Variants in IRAK4 observed in about 807,000 individuals in gnomAD.
IRAK4 encodes interleukin 1 receptor associated kinase 4, also known as interleukin-1 receptor-associated kinase 4.
In IRAK4, 44 loss-of-function variants were observed where a neutral mutation model predicts 51.8. The observed-to-expected ratio is 0.85, with a 90% confidence interval of 0.67 to 1.09. IRAK4 has a LOEUF of 1.09. Among genes scored for constraint, IRAK4 ranks in the 50% least tolerant of loss-of-function variants. IRAK4 has a pLI of 0.00. For synonymous variants in IRAK4, 149 were observed against 174.1 expected (o/e 0.86, Z 1.13); for missense variants, 487 against 538.0 (o/e 0.91, Z 0.94).
At chr12:43,767,982 T>G (rs935810946) in intron 1 of IRAK4, 121 bp from the exon 2 acceptor site, 2 of 696,604 alleles carry the variant, frequency 2.9e-6, no homozygotes, top group Admixed American at 2.6e-5. Context: ...GGAATGTTTC[T>G]TTATTATGGT....
chr12:43,765,590 ATGAT>A (rs1385416792), intron 1 of IRAK4, among the ~76,000 whole-genome samples: 1 of 151,964 alleles, frequency 6.6e-6, no homozygotes, highest in Admixed American at 6.6e-5. Flanking sequence ...TTAGACATGA[ATGAT>A]AAGTTAGTAT....
rs886049392 is a variant in IRAK4, at chr12:43,787,877, T to G, written c.*1162T>G. 3 of 152,174 alleles carry G rather than the reference T, an allele frequency of 2.0e-5. No individual in the cohort carries two copies. Among genetic ancestry groups the G allele is most frequent in the Non-Finnish European group, 4.4e-5 (3 of 68,132 alleles). 9.4% of individuals were successfully genotyped at this position (152,174 alleles called of 1,614,324 possible). On this transcript the variant is annotated 3_prime_UTR_variant, in exon 12 of 12. Transcript: ENST00000613694. ...TTCAAGACCGGCCTGGCCAACATGG[T>G]GAAACCCCGTCTCTACTAAAAATAC...
chr12:43,769,379 G>A (rs1476500611), intron 2 of IRAK4, among the ~76,000 whole-genome samples: 1 of 152,146 alleles, frequency 6.6e-6, no homozygotes, highest in Non-Finnish European at 1.5e-5. Context: ...AGTATTATAG[G>A]CTGAGCACAG....
At chr12:43,771,030 A>G (rs1232834329) in intron 2 of IRAK4, 190 bp from the exon 3 acceptor site, 4 of 696,130 alleles carry the variant, frequency 5.7e-6, no homozygotes, top group Admixed American at 2.0e-5. Flanking sequence ...CTGCCCTTCC[A>G]CCATGAGATG....
chr12:43,769,764 G>C (rs560705007), intron 2 of IRAK4, among the ~76,000 whole-genome samples: 20 of 152,308 alleles, frequency 1.3e-4, no homozygotes, highest in African/African-American at 4.8e-4. Flanking sequence ...TCAAACTTTA[G>C]CACCAATAAT....
intron 9 of IRAK4, 52 bp downstream of exon 9, chr12:43,782,542 A>G: frequency 7.1e-7 from 1 of 1,417,090 alleles, no homozygotes; most frequent in Non-Finnish European, 9.9e-7. Flanking sequence ...TATAATTGTG[A>G]AAATGAAGAG....
chr12:43,786,923 A>G lies in IRAK4; in HGVS notation c.*208A>G, dbSNP rs1447729978. ...AGCCCTACCCATTAGTATCACCCCC[A>G]GTTCTTACAGTAATCCCTGAGAAAT... On this transcript the variant is annotated 3_prime_UTR_variant, in exon 12 of 12. Transcript: ENST00000613694. 5.2e-6 allele frequency: 3 copies of G among 574,310 alleles called. No individual in the cohort carries two copies. Among genetic ancestry groups the G allele is most frequent in the East Asian group, 2.9e-5 (1 of 34,824 alleles). 35.6% of individuals were successfully genotyped at this position (574,310 alleles called of 1,614,324 possible).
chr12:43,781,081 A>G, intron 8 of IRAK4, among the ~76,000 whole-genome samples: 1 of 152,146 alleles, frequency 6.6e-6, no homozygotes, highest in East Asian at 1.9e-4. Flanking sequence ...GTCTTCCCAC[A>G]TTTCCTTTCT....
Position 43,771,909 on chromosome 12 carries a change from G to A in IRAK4, c.308-271G>A, listed in dbSNP as rs116245363. On this transcript the variant is annotated intron_variant, in intron 3 of 11. Coordinates refer to ENST00000613694, the MANE Select transcript of IRAK4 (RefSeq NM_016123.4). The stretch of plus-strand genomic sequence containing the variant: ...CTATGTAATCAGAATTCTGGAATTG[G>A]GTTTAAGGTCTATATTCTTAAACAG... Among the ~76,000 whole-genome samples, 1,279 of 152,208 alleles carry A rather than the reference G, an allele frequency of 8.4e-3. 18 individuals carry two copies. Among genetic ancestry groups the A allele is most frequent in the African/African-American group, 0.028 (1,157 of 41,528 alleles).
chr12:43,765,037 G>A (rs1458734705), intron 1 of IRAK4, among the ~76,000 whole-genome samples: 2 of 152,120 alleles, frequency 1.3e-5, no homozygotes, highest in Non-Finnish European at 2.9e-5. Context: ...GATCATACTC[G>A]TAAAGTCATG....
At chr12:43,767,236 C>T (rs768907781) in intron 1 of IRAK4, among the ~76,000 whole-genome samples, 1 of 151,994 alleles carries the variant, frequency 6.6e-6, no homozygotes, top group Non-Finnish European at 1.5e-5. Context: ...AAATAAAATC[C>T]ACATAGAAAG....
In IRAK4 at chr12:43,780,080, C is replaced by T. The variant is rs950130025; in HGVS notation, c.941+1778C>T. 5.3e-5 allele frequency among the ~76,000 whole-genome samples: 8 copies of T among 152,142 alleles called. No homozygotes were observed. The South Asian group carries it at 6.2e-4, about 12-fold the overall frequency. On this transcript the variant is annotated intron_variant, in intron 8 of 11. Coordinates refer to ENST00000613694, the MANE Select transcript of IRAK4 (RefSeq NM_016123.4). ...CTGGAGAGTGTGGAGTCCCTGAAAA[C>T]GAGGAAAGAAAGTGTTTCCCAAGAG... is the stretch of plus-strand genomic sequence containing the variant.
intron 8 of IRAK4, 77 bp downstream of exon 8, chr12:43,778,379 ATGCAG>A (rs2138008179): frequency 1.2e-6 from 1 of 815,798 alleles, no homozygotes; most frequent in South Asian, 1.4e-5. Context: ...CACGATTCAT[ATGCAG>A]GTCTTAACCT....
chr12:43,766,082 G>C (rs1940115002), intron 1 of IRAK4, among the ~76,000 whole-genome samples: 1 of 152,080 alleles, frequency 6.6e-6, no homozygotes, highest in Non-Finnish European at 1.5e-5. Flanking sequence ...AACCATATAA[G>C]ATTATTTAAC....
At chr12:43,783,519 C>T (rs527283663) in intron 9 of IRAK4, 143 bp from the exon 10 acceptor site, 1 of 611,726 alleles carries the variant, frequency 1.6e-6, no homozygotes, top group East Asian at 2.8e-5. Context: ...GACAGGGTCT[C>T]ACTGTTGCCC....
At chr12:43,778,331 A>G (rs558087942) in intron 8 of IRAK4, 29 bp downstream of exon 8, 1 of 1,227,586 alleles carries the variant, frequency 8.1e-7, no homozygotes, top group Non-Finnish European at 1.2e-6. Context: ...AAGTTTTTGG[A>G]AAGCTGTCTT....
chr12:43,786,948 T>G lies in IRAK4; in HGVS notation c.*233T>G, dbSNP rs1241696642. ...AGTTCTTACAGTAATCCCTGAGAAA[T>G]CTCCTTCAAGCATCACCAAACACAG... On this transcript the variant is annotated 3_prime_UTR_variant, in exon 12 of 12. Transcript: ENST00000613694. 1.8e-6 allele frequency: 1 copy of G among 551,002 alleles called. No individual in the cohort carries two copies. The highest frequency in any genetic ancestry group is 3.2e-6 in the Non-Finnish European group (1 of 312,896). The allele number at this position is 551,002 out of a possible 1,614,324, so 34.1% of individuals were successfully genotyped here.
At position 43,786,701 on chromosome 12, in the gene IRAK4, A is replaced by T. The variant is rs1565689685; in HGVS notation, c.1369A>T (p.Met457Leu). ...AAAGGTTCAACAGCTGCTGCAAGAGATGACAGCTTCTTAAAACTTTATTGG... is the reference window on the plus strand; with the variant it reads ...AAAGGTTCAACAGCTGCTGCAAGAGTTGACAGCTTCTTAAAACTTTATTGG... ...IKKVQQLLQE[M>L]TAS Residue 457 changes from methionine to leucine, a missense_variant, in exon 12 of 12, where the codon ATG (methionine) becomes TTG (leucine). Coordinates refer to ENST00000613694, the MANE Select transcript of IRAK4 (RefSeq NM_016123.4). The T allele has an allele frequency of 6.8e-6, 11 of 1,613,502 alleles. No individual in the cohort carries two copies. Among genetic ancestry groups the T allele is most frequent in the Non-Finnish European group, 9.3e-6 (11 of 1,179,718 alleles).
chr12:43,769,335 C>T (rs964946187), intron 2 of IRAK4, among the ~76,000 whole-genome samples: 1 of 152,142 alleles, frequency 6.6e-6, no homozygotes, highest in African/African-American at 2.4e-5. Context: ...TGGTTGTTCT[C>T]GTGCATGTGA....
Sources: allele counts gnomAD v4.1 joint callset (sites outside exome capture counted in the v4.1 genomes callset), GRCh38; gene constraint gnomAD v4.1.1; transcripts MANE v1.5; gene names NCBI Gene and HGNC (gene_info 2026-07-23, HGNC 2026-07-21).